Variants in TFDP2 observed in about 807,000 individuals in gnomAD.
TFDP2 encodes transcription factor Dp-2 (E2F dimerization partner 2).
Under a neutral mutation model 59.3 loss-of-function variants are expected in TFDP2, and 17 were observed. That is an observed-to-expected ratio of 0.29 (90% confidence interval 0.20 to 0.43). The LOEUF (loss-of-function observed/expected upper bound fraction) is 0.43. TFDP2 is among the 20% of genes least tolerant of loss of function. TFDP2 has a pLI of 1.00. For synonymous variants in TFDP2, 180 were observed against 194.7 expected (o/e 0.92, Z 0.63); for missense variants, 391 against 528.8 (o/e 0.74, Z 2.56).
chr3:142,131,972 C>T lies in TFDP2; in HGVS notation c.-93+17211G>A, dbSNP rs1202414584. On this transcript the variant is annotated intron_variant, in intron 1 of 12. Transcript: ENST00000489671. ...AGTGAGCCAAAATCGCTTCATTGCA[C>T]TCGTCTGGGCAATGGAGCAAGACTC... Among the ~76,000 whole-genome samples the T allele has an allele frequency of 5.7e-5, 8 of 139,142 alleles. 1 individual carries two copies. Among genetic ancestry groups the T allele is most frequent in the African/African-American group, 2.3e-4 (8 of 34,096 alleles). 91.3% of individuals were successfully genotyped at this position (139,142 alleles called of 152,430 possible).
intron 3 of TFDP2, among the ~76,000 whole-genome samples, chr3:142,020,885 T>G (rs1460312890): frequency 3.9e-5 from 6 of 151,966 alleles, no homozygotes; most frequent in Non-Finnish European, 8.8e-5. Context: ...TATGGGAGGC[T>G]GAGGCAAGAG....
Position 142,005,532 on chromosome 3 carries a change from A to C in TFDP2, c.95T>G (p.Phe32Cys). The C allele has an allele frequency of 6.3e-7, 1 of 1,594,868 alleles. No individual in the cohort carries two copies. Among genetic ancestry groups the C allele is most frequent in the African/African-American group, 1.3e-5 (1 of 74,832 alleles). The change falls in exon 4 of 13, where the codon TTT (phenylalanine) becomes TGT (cysteine). Residue 32 changes from phenylalanine to cysteine, a missense_variant. By Grantham distance (205) the Phe-to-Cys change is radical (BLOSUM62 -2). Coordinates refer to ENST00000489671, the MANE Select transcript of TFDP2 (RefSeq NM_001178139.2). ...GGTATTGGAAACTGGAAATGCAACAAATGAAATGTTGCCTGAAATGATATC... is the reference window on the plus strand; with the variant it reads ...GGTATTGGAAACTGGAAATGCAACACATGAAATGTTGCCTGAAATGATATC... ...NLSPTKGNISFVAFPVSNTNS... is the reference protein window; with the variant it reads ...NLSPTKGNISCVAFPVSNTNS...
At chr3:142,026,077 C>T (rs1037469040) in intron 3 of TFDP2, among the ~76,000 whole-genome samples, 3 of 152,296 alleles carry the variant, frequency 2.0e-5, no homozygotes, top group South Asian at 2.1e-4. Flanking sequence ...TCTGGGAGGC[C>T]GAGGTAGGCG....
intron 2 of TFDP2, among the ~76,000 whole-genome samples, chr3:142,097,579 A>C (rs902230536): frequency 6.6e-6 from 1 of 152,048 alleles, no homozygotes; most frequent in African/African-American, 2.4e-5. Flanking sequence ...CCGCTACTGG[A>C]GAGGCTGAGG....
intron 1 of TFDP2, among the ~76,000 whole-genome samples, chr3:142,138,853 G>A (rs934261604): frequency 4.6e-5 from 7 of 152,146 alleles, no homozygotes; most frequent in South Asian, 2.1e-4. Flanking sequence ...CTGTTGATTC[G>A]GGGTGGAGAG....
chr3:141,970,452 T>C (rs186456553), intron 8 of TFDP2, among the ~76,000 whole-genome samples: 1 of 152,338 alleles, frequency 6.6e-6, no homozygotes, highest in African/African-American at 2.4e-5. Flanking sequence ...TTATACTCAC[T>C]CTATCTGCCA....
intron 6 of TFDP2, among the ~76,000 whole-genome samples, chr3:141,982,822 T>G (rs1941633721): frequency 1.3e-5 from 2 of 152,188 alleles, no homozygotes; most frequent in Admixed American, 1.3e-4. Flanking sequence ...TAAAATCAGT[T>G]CAGTGCATAA....
At chr3:142,122,759 A>C (rs2062093972) in intron 1 of TFDP2, among the ~76,000 whole-genome samples, 1 of 152,176 alleles carries the variant, frequency 6.6e-6, no homozygotes. Context: ...GGCAATTCCC[A>C]ATAAGGGATG....
At chr3:141,986,671 A>G (rs1366646794) in intron 6 of TFDP2, among the ~76,000 whole-genome samples, 1 of 152,198 alleles carries the variant, frequency 6.6e-6, no homozygotes, top group African/African-American at 2.4e-5. Context: ...ATACACAAGG[A>G]ACAGAATTGA....
chr3:142,023,813 AT>A (rs567583847), intron 3 of TFDP2, among the ~76,000 whole-genome samples: 1 of 151,810 alleles, frequency 6.6e-6, no homozygotes, highest in South Asian at 2.1e-4. Context: ...AGATTTTTAA[AT>A]TTTTTTTGAG....
chr3:142,096,960 T>A (rs1225684986), intron 2 of TFDP2, among the ~76,000 whole-genome samples: 1 of 152,254 alleles, frequency 6.6e-6, no homozygotes, highest in Non-Finnish European at 1.5e-5. Flanking sequence ...AAGCAATATT[T>A]AAGTGTGGGT....
At chr3:141,959,167 G>A (rs186072081) in intron 11 of TFDP2, among the ~76,000 whole-genome samples, 34 of 152,002 alleles carry the variant, frequency 2.2e-4, no homozygotes, top group South Asian at 1.0e-3. Context: ...TGTTGGCCAG[G>A]CTGGTCTCGA....
chr3:142,113,476 G>A (rs1317640288), intron 1 of TFDP2, among the ~76,000 whole-genome samples: 1 of 152,002 alleles, frequency 6.6e-6, no homozygotes, highest in Admixed American at 6.6e-5. Flanking sequence ...TGGCCACAAC[G>A]GTCTCGATCT....
chr3:141,957,345 T>C (rs1286698832), intron 11 of TFDP2, among the ~76,000 whole-genome samples: 1 of 152,040 alleles, frequency 6.6e-6, no homozygotes, highest in Non-Finnish European at 1.5e-5. Context: ...TGTGGAGAAA[T>C]TGGAACACTT....
intron 3 of TFDP2, among the ~76,000 whole-genome samples, chr3:142,032,387 G>A (rs79223386): frequency 0.043 from 6,483 of 151,842 alleles, 465 homozygotes; most frequent in African/African-American, 0.15. Flanking sequence ...GAGCTACTAC[G>A]CTTAGCTCGA....
intron 7 of TFDP2, among the ~76,000 whole-genome samples, chr3:141,978,027 T>TA (rs1164730579): frequency 4.9e-4 from 69 of 141,400 alleles, no homozygotes; most frequent in East Asian, 4.6e-3. Flanking sequence ...TTTTAAATGT[T>TA]AAAAAAAAAC....
At chr3:142,136,321 A>G (rs2062736717) in intron 1 of TFDP2, among the ~76,000 whole-genome samples, 1 of 151,824 alleles carries the variant, frequency 6.6e-6, no homozygotes, top group Non-Finnish European at 1.5e-5. Context: ...AGATGGGTAG[A>G]TTGCAAAAAT....
At chr3:142,049,465 A>C (rs760111206) in intron 3 of TFDP2, among the ~76,000 whole-genome samples, 4 of 152,246 alleles carry the variant, frequency 2.6e-5, no homozygotes, top group Non-Finnish European at 5.9e-5. Context: ...ATGGGAACTT[A>C]CTCAAAATGC....
intron 3 of TFDP2, chr3:142,044,113 G>T (rs561067060): frequency 1.6e-6 from 1 of 621,570 alleles, no homozygotes; most frequent in African/African-American, 1.8e-5. Flanking sequence ...AATTTCACTG[G>T]TCTCATTCGG....
Sources: gnomAD v4.1 joint callset for allele counts (sites outside exome capture counted in the v4.1 genomes callset) on GRCh38, gnomAD v4.1.1 for gene constraint, MANE v1.5 for transcripts, NCBI Gene and HGNC (gene_info 2026-07-23, HGNC 2026-07-21) for gene names.